Variants in METTL15 observed in about 807,000 individuals in gnomAD.
The protein encoded by METTL15 is 12S rRNA N(4)-cytidine methyltransferase METTL15.
In METTL15, 34 loss-of-function variants were observed where a neutral mutation model predicts 38.3. That is an observed-to-expected ratio of 0.89 (90% CI 0.68 to 1.18). METTL15 has a LOEUF of 1.18. Among genes scored for constraint, METTL15 ranks in the 50% most tolerant of loss-of-function variants. METTL15 has a pLI of 0.00. For synonymous variants in METTL15, 162 were observed against 170.9 expected (o/e 0.95, Z 0.41); for missense variants, 438 against 498.4 (o/e 0.88, Z 1.15).
At chr11:28,238,460 A>T (rs1425012647) in intron 4 of METTL15, among the ~76,000 whole-genome samples, 1 of 152,176 alleles carries the variant, frequency 6.6e-6, no homozygotes, top group Admixed American at 6.5e-5. Flanking sequence ...CCCGTCGGAA[A>T]AGCGCAGTAT....
intron 6 of METTL15, among the ~76,000 whole-genome samples, chr11:28,319,719 G>C (rs1456239019): frequency 2.0e-5 from 3 of 152,050 alleles, no homozygotes; most frequent in Non-Finnish European, 2.9e-5. Flanking sequence ...TAAATACTGT[G>C]GAATGGTTAT....
chr11:28,471,499 A>C (rs1851302719), intron 6 of METTL15, among the ~76,000 whole-genome samples: 1 of 152,134 alleles, frequency 6.6e-6, no homozygotes, highest in Non-Finnish European at 1.5e-5. Flanking sequence ...GTTGCGAGGC[A>C]AGATTTAGAC....
rs780731329 is a variant in METTL15, at chr11:28,416,014, G to A, written c.*359-8285G>A. The stretch of plus-strand genomic sequence containing the variant: ...AAAAGTTAAATCTAATCTTCAAATC[G>A]TTAAATAAAATATTTACTATTCTCC... On this transcript the variant is annotated intron_variant and NMD_transcript_variant, in intron 5 of 7. Coordinates refer to the METTL15 transcript ENST00000532947. 5.3e-5 allele frequency among the ~76,000 whole-genome samples: 8 copies of A among 152,210 alleles called. No individual in the cohort carries two copies. In the South Asian group the frequency reaches 1.2e-3, roughly 24 times the overall value.
intron 4 of METTL15, among the ~76,000 whole-genome samples, chr11:28,227,061 C>T (rs1359978674): frequency 6.6e-6 from 1 of 151,814 alleles, no homozygotes; most frequent in Admixed American, 6.6e-5. Flanking sequence ...TTAAATATAA[C>T]CTTCGCTCAG....
intron 5 of METTL15, among the ~76,000 whole-genome samples, chr11:28,397,134 A>T (rs997594064): frequency 9.9e-5 from 15 of 152,154 alleles, no homozygotes; most frequent in Admixed American, 8.5e-4. Flanking sequence ...AAACCATAAA[A>T]ACCCTAGAAG....
chr11:28,266,130 C>A (rs369285276), intron 4 of METTL15, among the ~76,000 whole-genome samples: 5 of 152,138 alleles, frequency 3.3e-5, no homozygotes, highest in African/African-American at 9.7e-5. Context: ...ACTAGTTCAA[C>A]CGTTGTGGAA....
chr11:28,198,260 TAA>T (rs1851981853), intron 3 of METTL15, among the ~76,000 whole-genome samples: 1 of 152,092 alleles, frequency 6.6e-6, no homozygotes, highest in Non-Finnish European at 1.5e-5. Context: ...GTAAATAGAT[TAA>T]GTGACAGTTC....
At chr11:28,369,895 T>C (rs1252615788) in intron 5 of METTL15, among the ~76,000 whole-genome samples, 1 of 152,150 alleles carries the variant, frequency 6.6e-6, no homozygotes, top group East Asian at 1.9e-4. Context: ...AATCCTGTAA[T>C]ACCATAATGG....
At chr11:28,310,400 C>G (rs1442540259) in intron 6 of METTL15, among the ~76,000 whole-genome samples, 1 of 151,360 alleles carries the variant, frequency 6.6e-6, no homozygotes, top group Admixed American at 6.6e-5. Context: ...GAATATATAA[C>G]CAAACCCAGG....
chr11:28,339,521 A>G (rs971755040), intron 3 of METTL15, among the ~76,000 whole-genome samples: 1 of 149,194 alleles, frequency 6.7e-6, no homozygotes, highest in Non-Finnish European at 1.5e-5. Flanking sequence ...ATAATGAGAC[A>G]TAAAGAGAAT....
intron 3 of METTL15, among the ~76,000 whole-genome samples, chr11:28,348,588 C>T (rs533727723): frequency 3.9e-5 from 6 of 151,994 alleles, no homozygotes; most frequent in East Asian, 1.9e-4. Context: ...AGGCTGGTCT[C>T]GAACTTCTGG....
In METTL15 at chr11:28,395,765, A is replaced by G. The variant is rs565503004; in HGVS notation, c.*359-28534A>G. 2.0e-5 allele frequency among the ~76,000 whole-genome samples: 3 copies of G among 152,262 alleles called. No individual in the cohort carries two copies. In the East Asian group the frequency reaches 5.8e-4, roughly 30 times the overall value. Reference sequence around the variant, plus strand: ...ATTTTATGAGGCCAGCATCATCCTGATACCAAAGCCGGGCAGAGACACAAC... The same window carrying G: ...ATTTTATGAGGCCAGCATCATCCTGGTACCAAAGCCGGGCAGAGACACAAC... On this transcript the variant is annotated intron_variant and NMD_transcript_variant, in intron 5 of 7. Coordinates refer to the METTL15 transcript ENST00000532947.
chr11:28,488,749 C>G (rs182433061), intron 6 of METTL15, among the ~76,000 whole-genome samples: 2 of 152,242 alleles, frequency 1.3e-5, no homozygotes. Context: ...CCAGATACCT[C>G]AACTGATTCT....
intron 4 of METTL15, among the ~76,000 whole-genome samples, chr11:28,360,002 T>C (rs1375128757): frequency 6.6e-6 from 1 of 152,162 alleles, no homozygotes; most frequent in East Asian, 1.9e-4. Context: ...TTAAAGGACT[T>C]ACAAAAGAAG....
intron 4 of METTL15, among the ~76,000 whole-genome samples, chr11:28,273,483 G>A (rs1855725562): frequency 1.3e-5 from 2 of 152,102 alleles, no homozygotes; most frequent in African/African-American, 4.8e-5. Flanking sequence ...ATTGTTAAAA[G>A]TTTATTAAAT....
chr11:28,437,438 A>G (rs552333826), intron 6 of METTL15, among the ~76,000 whole-genome samples: 1 of 152,356 alleles, frequency 6.6e-6, no homozygotes, highest in East Asian at 1.9e-4. Context: ...ATAGGGATGC[A>G]ACATGGACGA....
intron 6 of METTL15, among the ~76,000 whole-genome samples, chr11:28,525,000 C>T (rs370796495): frequency 2.2e-4 from 33 of 151,996 alleles, no homozygotes; most frequent in Admixed American, 9.2e-4. Context: ...CAGACCTTCG[C>T]GGTGAGTGTT....
At chr11:28,151,871 G>A (rs908784862) in intron 3 of METTL15, among the ~76,000 whole-genome samples, 2 of 151,968 alleles carry the variant, frequency 1.3e-5, no homozygotes, top group Non-Finnish European at 1.5e-5. Flanking sequence ...TTCAAGACCT[G>A]TCAATTTCCT....
intron 4 of METTL15, among the ~76,000 whole-genome samples, chr11:28,234,532 G>T (rs1224005934): frequency 1.3e-5 from 2 of 151,680 alleles, no homozygotes; most frequent in Admixed American, 1.3e-4. Flanking sequence ...TTGTGGTTTT[G>T]ATTTGCATTT....
Sources: allele counts gnomAD v4.1 joint callset (sites outside exome capture counted in the v4.1 genomes callset), GRCh38; gene constraint gnomAD v4.1.1; transcripts MANE v1.5; gene names NCBI Gene and HGNC (gene_info 2026-07-23, HGNC 2026-07-21).